Variants in TDP1 observed in about 807,000 individuals in gnomAD.
The protein encoded by TDP1 is tyr-DNA phosphodiesterase 1.
Under a neutral mutation model 81.5 loss-of-function variants are expected in TDP1, and 64 were observed. The ratio of observed to expected loss-of-function variants is 0.79; its 90% CI spans 0.64 to 0.97. The LOEUF (loss-of-function observed/expected upper bound fraction) is 0.97, where lower values mean the gene tolerates loss of function less well. Ranked by LOEUF, TDP1 falls within the 50% of genes least tolerant of loss-of-function variation. The pLI is 0.00. For synonymous variants in TDP1, 256 were observed against 264.3 expected (o/e 0.97, Z 0.30); for missense variants, 723 against 743.8 (o/e 0.97, Z 0.33).
intron 10 of TDP1, among the ~76,000 whole-genome samples, chr14:89,987,980 T>C (rs1286452416): frequency 6.6e-6 from 1 of 152,158 alleles, no homozygotes; most frequent in Non-Finnish European, 1.5e-5. Flanking sequence ...AGTCTGGGCC[T>C]CCAGAACTTC....
chr14:90,014,637 T>C (rs1885105472), intron 14 of TDP1, among the ~76,000 whole-genome samples: 1 of 152,254 alleles, frequency 6.6e-6, no homozygotes, highest in Admixed American at 6.5e-5. Flanking sequence ...CTCTGTACTC[T>C]TTGTGCTGCT....
At chr14:90,032,758 T>C in intron 15 of TDP1, 1 of 985,398 alleles carries the variant, frequency 1.0e-6, no homozygotes, top group Non-Finnish European at 1.2e-6. Flanking sequence ...GAGGTATTTT[T>C]ATACAGTGAG....
intron 14 of TDP1, among the ~76,000 whole-genome samples, chr14:90,013,951 G>A (rs978856447): frequency 3.3e-5 from 5 of 152,154 alleles, no homozygotes; most frequent in East Asian, 1.9e-4. Context: ...ATGTGGAACT[G>A]TGAGTCCATT....
chr14:90,022,189 G>A (rs1249071139), intron 15 of TDP1, among the ~76,000 whole-genome samples: 2 of 152,224 alleles, frequency 1.3e-5, no homozygotes, highest in Non-Finnish European at 2.9e-5. Flanking sequence ...TGAGAGCTGG[G>A]TGCTGAGATC....
At chr14:89,977,361 A>G (rs1894465420) in intron 7 of TDP1, among the ~76,000 whole-genome samples, 2 of 152,114 alleles carry the variant, frequency 1.3e-5, no homozygotes, top group Admixed American at 1.3e-4. Context: ...ACAATGGCGC[A>G]ATCTCAGCTC....
chr14:89,959,061 G>A (rs938472116), intron 2 of TDP1, among the ~76,000 whole-genome samples: 1 of 152,210 alleles, frequency 6.6e-6, no homozygotes, highest in African/African-American at 2.4e-5. Flanking sequence ...TTTAAACAGG[G>A]AGTTTGGATT....
intron 10 of TDP1, 94 bp from the exon 11 acceptor site, chr14:89,988,811 G>A: frequency 6.4e-7 from 1 of 1,570,774 alleles, no homozygotes; most frequent in Non-Finnish European, 8.6e-7. Flanking sequence ...TTGTTAATTA[G>A]GCTTTCCAAG....
intron 7 of TDP1, among the ~76,000 whole-genome samples, chr14:89,978,013 A>C (rs571956997): frequency 3.2e-4 from 49 of 152,350 alleles, no homozygotes; most frequent in African/African-American, 1.2e-3. Flanking sequence ...GCTGAATGTC[A>C]AATATCCAGA....
intron 14 of TDP1, among the ~76,000 whole-genome samples, chr14:90,004,610 C>G (rs1897486340): frequency 1.3e-5 from 2 of 152,204 alleles, no homozygotes; most frequent in South Asian, 4.1e-4. Flanking sequence ...GTGACTGTTT[C>G]TTGTTTATGT....
chr14:89,982,311 G>A (rs1417236744), intron 8 of TDP1, among the ~76,000 whole-genome samples: 1 of 152,184 alleles, frequency 6.6e-6, no homozygotes, highest in African/African-American at 2.4e-5. Flanking sequence ...AGTCTCAGCT[G>A]TAGCACTTTC....
Position 89,966,778 on chromosome 14 carries a change from G to A in TDP1, c.603+588G>A, listed in dbSNP as rs1334341804. Among the ~76,000 whole-genome samples the A allele has an allele frequency of 2.0e-5, 3 of 152,176 alleles. No homozygotes were observed. In the East Asian group the frequency reaches 5.8e-4, roughly 29 times the overall value. On this transcript the variant is annotated intron_variant, in intron 4 of 16. Coordinates refer to ENST00000335725, the MANE Select transcript of TDP1 (RefSeq NM_018319.4). ...TGGAAGGTGGGGAGCATTTGCAAAT[G>A]CCCTGTTAGCTCGACTGAGTTACTA... is the stretch of plus-strand genomic sequence containing the variant.
intron 6 of TDP1, among the ~76,000 whole-genome samples, chr14:89,972,637 C>T (rs927395811): frequency 2.6e-5 from 4 of 152,120 alleles, no homozygotes; most frequent in African/African-American, 7.2e-5. Flanking sequence ...ACACGTGGCG[C>T]ATTTTGAGCA....
At chr14:89,975,693 G>T in intron 6 of TDP1, 88 bp from the exon 7 acceptor site, 5 of 1,212,766 alleles carry the variant, frequency 4.1e-6, no homozygotes, top group Non-Finnish European at 4.8e-6. Context: ...AAAAAAAAAA[G>T]TTGACCTGAT....
chr14:90,007,704 C>A (rs1307628207), intron 14 of TDP1, among the ~76,000 whole-genome samples: 2 of 152,068 alleles, frequency 1.3e-5, no homozygotes, highest in Non-Finnish European at 2.9e-5. Flanking sequence ...TTCTCGGGCT[C>A]AAGTCATCCT....
chr14:90,008,852 G>T (rs1884361345), intron 14 of TDP1, among the ~76,000 whole-genome samples: 1 of 152,150 alleles, frequency 6.6e-6, no homozygotes, highest in Non-Finnish European at 1.5e-5. Context: ...GGGACTGCAG[G>T]TGCACACCAC....
rs369742694 is a variant in TDP1 at position 89,993,469 on chromosome 14, G to C, written c.1527G>C (p.Trp509Cys). 83 of 1,613,314 alleles carry C rather than the reference G, an allele frequency of 5.1e-5. No homozygotes were observed. Among genetic ancestry groups the C allele is most frequent in the Non-Finnish European group, 6.9e-5 (81 of 1,179,550 alleles). Residue 509 changes from tryptophan (W) to cysteine (C), a missense_variant, in exon 14 of 17, where the codon TGG becomes TGC. Coordinates refer to ENST00000335725, the MANE Select transcript of TDP1 (RefSeq NM_018319.4). ...CTCCAGACTTCAGTAAAATTGCTTGGTTCCTTGTCACAAGGTAAATAGTCC... is the reference window on the plus strand; with the variant it reads ...CTCCAGACTTCAGTAAAATTGCTTGCTTCCTTGTCACAAGGTAAATAGTCC... ...RPSPDFSKIA[W>C]FLVTSANLSK... is the part of the protein sequence containing the mutation.
chr14:89,972,481 C>G (rs978869122), intron 6 of TDP1, among the ~76,000 whole-genome samples: 3 of 152,142 alleles, frequency 2.0e-5, no homozygotes, highest in Non-Finnish European at 4.4e-5. Flanking sequence ...TATCAAAGGC[C>G]AAGAAACGGT....
intron 13 of TDP1, among the ~76,000 whole-genome samples, 178 bp downstream of exon 13, chr14:89,992,161 GT>G: frequency 6.6e-6 from 1 of 152,088 alleles, no homozygotes; most frequent in Non-Finnish European, 1.5e-5. Context: ...TTTGGAATAG[GT>G]TTTTAATACC....
chr14:90,030,357 T>C (rs1372581947), intron 15 of TDP1, among the ~76,000 whole-genome samples: 1 of 152,220 alleles, frequency 6.6e-6, no homozygotes, highest in East Asian at 1.9e-4. Context: ...ATCATCTCTC[T>C]GTTTATTAAA....
Sources: gnomAD v4.1 joint callset for allele counts (sites outside exome capture counted in the v4.1 genomes callset) on GRCh38, gnomAD v4.1.1 for gene constraint, MANE v1.5 for transcripts, NCBI Gene and HGNC (gene_info 2026-07-23, HGNC 2026-07-21) for gene names.